Variants in ZNF599 observed in about 807,000 individuals in gnomAD.
ZNF599 encodes the protein zinc finger protein 599.
Under a neutral mutation model 11.7 loss-of-function variants are expected in ZNF599, and 10 were observed. That is an observed-to-expected ratio of 0.86 (90% CI 0.53 to 1.45). The LOEUF (loss-of-function observed/expected upper bound fraction) is 1.45, where lower values mean the gene tolerates loss of function less well. Among genes scored for constraint, ZNF599 ranks in the 40% most tolerant of loss-of-function variants. The pLI is 0.00. For missense variants in ZNF599, 688 were observed against 713.6 expected, an observed-to-expected ratio of 0.96 and a Z score of 0.41; for synonymous variants, 232 against 253.2, an observed-to-expected ratio of 0.92 and a Z score of 0.79.
chr19:34,765,718 A>G lies in ZNF599; in HGVS notation c.241+1598T>C. ...AATCAAGTGTGTAGGCTTTATTCAT[A>G]AAGTAGGTCAGATGCTCTGACATCA... On this transcript the variant is annotated intron_variant, in intron 3 of 3. Transcript: ENST00000329285. 5.7e-6 allele frequency: 4 copies of G among 701,300 alleles called. No individual in the cohort carries two copies. The East Asian group carries it at 1.1e-4, about 19-fold the overall frequency. 43.4% of individuals were successfully genotyped at this position (701,300 alleles called of 1,614,324 possible). A position where few individuals can be genotyped will look rare whatever the true frequency, so the allele number is the denominator to read the frequency against.
At chr19:34,781,234 TAAAGA>T in the ZNF599 span, among the ~76,000 whole-genome samples, 1 of 135,814 alleles carries the variant, frequency 7.4e-6, no homozygotes, top group Non-Finnish European at 1.6e-5. Context: ...AGAAAAGAAA[TAAAGA>T]GAAAGAAAGA....
chr19:34,772,828 G>A lies in ZNF599; in HGVS notation c.14C>T (p.Ala5Val), dbSNP rs976067283. The A allele has an allele frequency of 1.3e-6, 2 of 1,522,194 alleles. No homozygotes were observed. Among genetic ancestry groups the A allele is most frequent in the Non-Finnish European group, 8.8e-7 (1 of 1,138,512 alleles). The allele number at this position is 1,522,194 out of a possible 1,614,324, so 94.3% of individuals were successfully genotyped here. A position where few individuals can be genotyped will look rare whatever the true frequency, so the allele number is the denominator to read the frequency against. Residue 5 changes from alanine (A) to valine (V), a missense_variant, in exon 1 of 4, where the codon GCG (alanine) becomes GTG (valine). By Grantham distance (64) the Ala-to-Val change is moderately conservative. Coordinates refer to ENST00000329285, the MANE Select transcript of ZNF599 (RefSeq NM_001007248.3). ...GCTGCGGAACCCTCCACTCACCAAC[G>A]CCGGCGCCGCCATGGGCCCAGGGGG... MAAP[A>V]LALVSFEDVV... is the part of the protein sequence containing the mutation.
chr19:34,772,854 C>T lies in ZNF599; in HGVS notation c.-13G>A. ...CCGGCGCCGCCATGGGCCCAGGGGG[C>T]TGGGTGAGGCCGTGAGAGTCGGCGA... On this transcript the variant is annotated 5_prime_UTR_variant, in exon 1 of 4. Transcript: ENST00000329285. The T allele has an allele frequency of 6.7e-7, 1 of 1,482,968 alleles. No homozygotes were observed. The highest frequency in any genetic ancestry group is 2.8e-5 in the East Asian group (1 of 36,268). 91.9% of individuals were successfully genotyped at this position (1,482,968 alleles called of 1,614,324 possible).
chr19:34,778,353 G>C, the ZNF599 span, among the ~76,000 whole-genome samples: 1 of 150,888 alleles, frequency 6.6e-6, no homozygotes, highest in Non-Finnish European at 1.5e-5. Context: ...AAAAAGAAAA[G>C]AAACAAAATG....
chr19:34,787,938 T>G, the ZNF599 span, among the ~76,000 whole-genome samples: 1 of 152,206 alleles, frequency 6.6e-6, no homozygotes, highest in Non-Finnish European at 1.5e-5. Context: ...CATCCATGGA[T>G]TCAACCAACT....
At chr19:34,789,982 G>A in the ZNF599 span, among the ~76,000 whole-genome samples, 1 of 152,098 alleles carries the variant, frequency 6.6e-6, no homozygotes, top group East Asian at 1.9e-4. Context: ...TCACAGTTTT[G>A]TGTCTTATAT....
intron 1 of ZNF599, among the ~76,000 whole-genome samples, chr19:34,770,342 TC>T (rs1265988238): frequency 6.6e-6 from 1 of 152,222 alleles, no homozygotes; most frequent in Non-Finnish European, 1.5e-5. Context: ...TACTCCTCCA[TC>T]ACCACAGTGA....
the ZNF599 span, among the ~76,000 whole-genome samples, chr19:34,795,378 A>C: frequency 0.36 from 54,324 of 152,026 alleles, 10,185 homozygotes; most frequent in South Asian, 0.45. Flanking sequence ...AGGCTCAAGC[A>C]ACCCTCCTGC....
the ZNF599 span, among the ~76,000 whole-genome samples, chr19:34,789,964 T>A: frequency 6.6e-6 from 1 of 152,218 alleles, no homozygotes; most frequent in South Asian, 2.1e-4. Flanking sequence ...CATTTTCTTC[T>A]AGTAGTTTCA....
At chr19:34,776,743 G>T (rs2069217978), upstream of ZNF599, among the ~76,000 whole-genome samples, 1 of 152,232 alleles carries the variant, frequency 6.6e-6, no homozygotes, top group Non-Finnish European at 1.5e-5. Context: ...CAGTTTTATT[G>T]AATAGGCAGT....
At chr19:34,798,813 T>C in the ZNF599 span, among the ~76,000 whole-genome samples, 1 of 152,232 alleles carries the variant, frequency 6.6e-6, no homozygotes, top group African/African-American at 2.4e-5. Context: ...TACATTAAGG[T>C]TCACTCTGTG....
At chr19:34,801,859 G>T in the ZNF599 span, among the ~76,000 whole-genome samples, 1 of 152,188 alleles carries the variant, frequency 6.6e-6, no homozygotes, top group Non-Finnish European at 1.5e-5. Context: ...CTTCTGAAGG[G>T]TTTCTCTTTA....
At chr19:34,790,277 G>A in the ZNF599 span, among the ~76,000 whole-genome samples, 79 of 152,114 alleles carry the variant, frequency 5.2e-4, no homozygotes, top group Non-Finnish European at 9.6e-4. Flanking sequence ...TGATGTACCC[G>A]CACTGTCATG....
the ZNF599 span, among the ~76,000 whole-genome samples, chr19:34,790,135 G>C: frequency 6.6e-6 from 1 of 152,144 alleles, no homozygotes; most frequent in Non-Finnish European, 1.5e-5. Flanking sequence ...TGTTTTCAGT[G>C]CCTTTGTTAA....
At chr19:34,800,590 T>TTG in the ZNF599 span, among the ~76,000 whole-genome samples, 3 of 145,750 alleles carry the variant, frequency 2.1e-5, no homozygotes, top group Non-Finnish European at 4.5e-5. Flanking sequence ...TCCTTTGTTT[T>TTG]TTTTTTTTTT....
the ZNF599 span, among the ~76,000 whole-genome samples, chr19:34,801,210 G>A: frequency 6.6e-6 from 1 of 152,192 alleles, no homozygotes; most frequent in African/African-American, 2.4e-5. Context: ...CACTATCACA[G>A]TAACAAGGAT....
rs746615144 is a variant in ZNF599 at position 34,767,297 on chromosome 19, C to T, written c.241+19G>A. 8 of 1,608,348 alleles carry T rather than the reference C, an allele frequency of 5.0e-6. No homozygotes were observed. Among genetic ancestry groups the T allele is most frequent in the Middle Eastern group, 3.3e-4 (2 of 6,048 alleles). On this transcript the variant is annotated intron_variant, in intron 3 of 3. Coordinates refer to ENST00000329285, the MANE Select transcript of ZNF599 (RefSeq NM_001007248.3). ...TGCAGGCTGCCCTGATACCCGCTGC[C>T]AGACTCTCAGTCACCAACCTGCGCA...
chr19:34,801,826 C>A, the ZNF599 span, among the ~76,000 whole-genome samples: 1 of 152,200 alleles, frequency 6.6e-6, no homozygotes, highest in African/African-American at 2.4e-5. Flanking sequence ...CAGCCCTTCA[C>A]GAAAAAGCTC....
the ZNF599 span, among the ~76,000 whole-genome samples, chr19:34,793,658 G>C: frequency 6.6e-6 from 1 of 152,170 alleles, no homozygotes; most frequent in Non-Finnish European, 1.5e-5. Flanking sequence ...GCCCAGGAGG[G>C]TTCTTGGTTT....
Sources: allele counts gnomAD v4.1 joint callset (sites outside exome capture counted in the v4.1 genomes callset), GRCh38; gene constraint gnomAD v4.1.1; transcripts MANE v1.5; gene names NCBI Gene and HGNC (gene_info 2026-07-23, HGNC 2026-07-21).